PCTP: variants seen among roughly 807,000 people sequenced by gnomAD.
PCTP encodes phosphatidylcholine transfer protein.
A neutral mutation model predicts 31.0 loss-of-function variants in PCTP; 27 were observed. The observed-to-expected ratio is 0.87, with a 90% confidence interval of 0.64 to 1.20. The LOEUF (loss-of-function observed/expected upper bound fraction) is 1.20, where lower values mean the gene tolerates loss of function less well. PCTP is among the 50% of genes most tolerant of loss of function. The pLI is 0.00. For missense variants in PCTP, 287 were observed against 268.2 expected, an observed-to-expected ratio of 1.07 and a Z score of -0.49; for synonymous variants, 108 against 101.2, an observed-to-expected ratio of 1.07 and a Z score of -0.40.
chr17:55,805,708 C>A (rs1042149783), intron 3 of PCTP, among the ~76,000 whole-genome samples: 1 of 152,206 alleles, frequency 6.6e-6, no homozygotes, highest in South Asian at 2.1e-4. Context: ...CAGATCTACA[C>A]AATACCATTT....
intron 2 of PCTP, among the ~76,000 whole-genome samples, chr17:55,784,545 C>T (rs1253027621): frequency 6.6e-6 from 1 of 152,128 alleles, no homozygotes; most frequent in East Asian, 1.9e-4. Context: ...TTCAAATAAT[C>T]TCCTTATAGA....
intron 3 of PCTP, among the ~76,000 whole-genome samples, chr17:55,791,243 G>T (rs1204535885): frequency 6.6e-6 from 1 of 152,004 alleles, no homozygotes; most frequent in Non-Finnish European, 1.5e-5. Flanking sequence ...ACACAGGCAT[G>T]GGCAAGGACT....
At chr17:55,828,215 G>A (rs1269503607) in intron 5 of PCTP, among the ~76,000 whole-genome samples, 1 of 152,170 alleles carries the variant, frequency 6.6e-6, no homozygotes, top group East Asian at 1.9e-4. Flanking sequence ...GTCTGTATTA[G>A]CCTCCTAGGG....
chr17:55,767,137 A>G (rs1042120396), intron 1 of PCTP, among the ~76,000 whole-genome samples, 198 bp from the exon 2 acceptor site: 14 of 151,888 alleles, frequency 9.2e-5, no homozygotes, highest in Non-Finnish European at 2.1e-4. Context: ...AATTTGTTGG[A>G]GTTCATTGTA....
chr17:55,820,560 C>T (rs1435777716), intron 3 of PCTP, among the ~76,000 whole-genome samples: 1 of 152,132 alleles, frequency 6.6e-6, no homozygotes, highest in Non-Finnish European at 1.5e-5. Context: ...AACTTAATCA[C>T]CCCTAAAGGC....
chr17:55,822,727 T>A, intron 3 of PCTP: 1 of 1,201,964 alleles, frequency 8.3e-7, no homozygotes. Flanking sequence ...CTGTACTTAC[T>A]CTCATCCTTT....
At chr17:55,792,599 T>A (rs201927386) in intron 3 of PCTP, among the ~76,000 whole-genome samples, 2 of 152,168 alleles carry the variant, frequency 1.3e-5, no homozygotes, top group Non-Finnish European at 2.9e-5. Context: ...CAGCAGGTAC[T>A]TCTTAGAGAT....
rs145272475 is a variant in PCTP, at chr17:55,774,824, C to T, written c.544C>T (p.Gln182Ter). The stretch of plus-strand genomic sequence containing the variant: ...GTATTACTTCGATAACCCGGGTGGC[C>T]AAATTCCGTCCTGGCTCATTAACTG... Reference protein sequence around the residue: ...FMYYFDNPGGQIPSWLINWAA... With the variant: ...FMYYFDNPGG The change falls in exon 5 of 6, where the codon CAA becomes TAA. Residue 182 changes from glutamine to a stop codon, truncating the protein, a stop_gained. Coordinates refer to ENST00000268896, the MANE Select transcript of PCTP (RefSeq NM_021213.4). LOFTEE classifies it high-confidence loss of function. The T allele has an allele frequency of 1.1e-4, 170 of 1,608,086 alleles. 1 individual carries two copies. In the East Asian group the frequency reaches 3.7e-3, roughly 35 times the overall value.
At chr17:55,774,317 TTCA>T (rs2144969411) in intron 4 of PCTP, among the ~76,000 whole-genome samples, 1 of 152,248 alleles carries the variant, frequency 6.6e-6, no homozygotes, top group Non-Finnish European at 1.5e-5. Context: ...CAGCTTGAGT[TTCA>T]GCCCCCAGGG....
At chr17:55,783,802 T>G (rs865800072) in intron 2 of PCTP, among the ~76,000 whole-genome samples, 3 of 152,202 alleles carry the variant, frequency 2.0e-5, no homozygotes, top group South Asian at 4.1e-4. Context: ...TACTTTAAGC[T>G]GTTGTAAACA....
rs115617907 is a variant in PCTP, at chr17:55,813,771, G to A, written c.318-8990G>A. Among the ~76,000 whole-genome samples the A allele has an allele frequency of 2.2e-3, 341 of 152,306 alleles. 2 individuals carry two copies. The highest frequency in any genetic ancestry group is 8.0e-3 in the African/African-American group (334 of 41,564). ...CTTAAAAATATTCCTTGCTGGGCAT[G>A]GTGGCTCACGCCTGTAATCCTAGAA... On this transcript the variant is annotated intron_variant, in intron 3 of 3. Transcript: ENST00000572536.
In PCTP at chr17:55,776,673, G is replaced by A. The variant is rs1911347889; in HGVS notation, c.*573G>A. The A allele has an allele frequency of 2.4e-6, 3 of 1,225,684 alleles. No individual in the cohort carries two copies. The highest frequency in any genetic ancestry group is 3.0e-6 in the Non-Finnish European group (3 of 984,722). The allele number at this position is 1,225,684 out of a possible 1,614,324, so 75.9% of individuals were successfully genotyped here. A position where few individuals can be genotyped will look rare whatever the true frequency, so the allele number is the denominator to read the frequency against. On this transcript the variant is annotated 3_prime_UTR_variant, in exon 6 of 6. Coordinates refer to ENST00000268896, the MANE Select transcript of PCTP (RefSeq NM_021213.4). ...GGAGCTGATTAGGCTGGGATTTGAGGTGATAATCCAGTAAGTCTTTCCTCG... is the reference window on the plus strand; with the variant it reads ...GGAGCTGATTAGGCTGGGATTTGAGATGATAATCCAGTAAGTCTTTCCTCG...
At chr17:55,793,755 A>G (rs1008316171) in intron 3 of PCTP, among the ~76,000 whole-genome samples, 6 of 152,154 alleles carry the variant, frequency 3.9e-5, no homozygotes, top group African/African-American at 1.2e-4. Flanking sequence ...AATGCACAAG[A>G]TAAGCACACA....
Position 55,767,246 on chromosome 17 carries a change from T to C in PCTP, c.142-89T>C, listed in dbSNP as rs569509397. 35 of 735,338 alleles carry C rather than the reference T, an allele frequency of 4.8e-5. No individual in the cohort carries two copies. In the South Asian group the frequency reaches 6.9e-4, roughly 15 times the overall value. The allele number at this position is 735,338 out of a possible 1,614,324, so 45.6% of individuals were successfully genotyped here. A position where few individuals can be genotyped will look rare whatever the true frequency, so the allele number is the denominator to read the frequency against. On this transcript the variant is annotated intron_variant, in intron 1 of 5. Coordinates refer to ENST00000268896, the MANE Select transcript of PCTP (RefSeq NM_021213.4). ...ACTCTGATGGTAGTTTCTTTTGCTG[T>C]GCAGAAGCTCTTTAGTTTAATTATG... is the stretch of plus-strand genomic sequence containing the variant.
chr17:55,775,139 C>T (rs1244482012), intron 5 of PCTP, among the ~76,000 whole-genome samples: 1 of 152,124 alleles, frequency 6.6e-6, no homozygotes, highest in East Asian at 1.9e-4. Flanking sequence ...AACTTCTGGA[C>T]AATAGTCTGC....
intron 2 of PCTP, chr17:55,770,589 G>A (rs943919763): frequency 6.6e-6 from 1 of 152,138 alleles, no homozygotes; most frequent in African/African-American, 2.4e-5. Context: ...TATTTGTGCT[G>A]TGTTTTTCTA....
At chr17:55,780,400 A>T (rs1457477040), downstream of PCTP, among the ~76,000 whole-genome samples, 1 of 152,176 alleles carries the variant, frequency 6.6e-6, no homozygotes, top group Non-Finnish European at 1.5e-5. Context: ...GGATGCAGTG[A>T]CTTTAGAATT....
At chr17:55,844,673 G>A (rs140085682), downstream of PCTP, among the ~76,000 whole-genome samples, 6 of 152,034 alleles carry the variant, frequency 3.9e-5, no homozygotes, top group Non-Finnish European at 5.9e-5. Flanking sequence ...TCTAATCCCT[G>A]CTCAGCCATT....
rs1347975937 is a variant in PCTP, at chr17:55,767,442, G to A, written c.249G>A (p.Gln83=). The A allele has an allele frequency of 7.5e-6, 12 of 1,597,062 alleles. No individual in the cohort carries two copies. The highest frequency in any genetic ancestry group is 5.0e-5 in the Admixed American group (3 of 59,524). ...CAGATTACAGAAAACAATGGGACCA[G>A]TATGTTAAAGGTGAGTGATGCTTGC... is the stretch of plus-strand genomic sequence containing the variant. ...MDSDYRKQWD[Q]YVKELYEQEC... The change falls in exon 2 of 6, where the codon CAG becomes CAA. Residue 83 remains glutamine, a synonymous_variant. Transcript: ENST00000268896.
Sources: gnomAD v4.1 joint callset for allele counts (sites outside exome capture counted in the v4.1 genomes callset) on GRCh38, gnomAD v4.1.1 for gene constraint, MANE v1.5 for transcripts, NCBI Gene and HGNC (gene_info 2026-07-23, HGNC 2026-07-21) for gene names.